GABRG3: variants seen among roughly 807,000 people sequenced by gnomAD.
The protein encoded by GABRG3 is gamma-aminobutyric acid receptor subunit gamma-3.
In GABRG3, 25 loss-of-function variants were observed where a neutral mutation model predicts 48.8. The ratio of observed to expected loss-of-function variants is 0.51; its 90% confidence interval spans 0.37 to 0.72. GABRG3 has a LOEUF of 0.72. Ranked by LOEUF, GABRG3 falls within the 30% of genes least tolerant of loss-of-function variation. GABRG3 has a pLI of 0.00. For missense variants in GABRG3, 394 were observed against 577.9 expected (o/e 0.68, Z 3.26); for synonymous variants, 227 against 217.6 (o/e 1.04, Z -0.38).
chr15:27,287,988 C>T (rs867803562), intron 3 of GABRG3, among the ~76,000 whole-genome samples: 6 of 152,234 alleles, frequency 3.9e-5, no homozygotes, highest in Non-Finnish European at 7.4e-5. Flanking sequence ...CTGCCTGCCT[C>T]GGCCTCCCAA....
At chr15:27,142,342 GC>G (rs1429824797) in intron 3 of GABRG3, among the ~76,000 whole-genome samples, 1 of 152,188 alleles carries the variant, frequency 6.6e-6, no homozygotes, top group Non-Finnish European at 1.5e-5. Flanking sequence ...GGCTGGGTAA[GC>G]CTCACAATCA....
chr15:27,445,120 G>A (rs571210731), intron 5 of GABRG3, among the ~76,000 whole-genome samples: 6 of 152,240 alleles, frequency 3.9e-5, no homozygotes, highest in Admixed American at 3.3e-4. Context: ...TGATCCACCC[G>A]CCTCGGCTTC....
chr15:27,151,452 G>A (rs1408537778), intron 3 of GABRG3, among the ~76,000 whole-genome samples: 5 of 151,452 alleles, frequency 3.3e-5, no homozygotes, highest in South Asian at 2.1e-4. Flanking sequence ...GTAGTATTCC[G>A]TAGTATGCTG....
chr15:27,249,127 C>A (rs778010662), intron 3 of GABRG3, among the ~76,000 whole-genome samples: 3 of 152,212 alleles, frequency 2.0e-5, no homozygotes, highest in Non-Finnish European at 4.4e-5. Flanking sequence ...GTTGAAGTGA[C>A]TGGACTCAGG....
At chr15:27,261,383 G>T (rs1376306714) in intron 3 of GABRG3, among the ~76,000 whole-genome samples, 1 of 151,742 alleles carries the variant, frequency 6.6e-6, no homozygotes, top group Non-Finnish European at 1.5e-5. Context: ...GTCAGGACTG[G>T]AAAGAATGGA....
intron 3 of GABRG3, among the ~76,000 whole-genome samples, chr15:27,181,604 C>T (rs189592140): frequency 6.6e-6 from 1 of 152,182 alleles, no homozygotes. Context: ...ACTCGTACAT[C>T]CTGCCCACGT....
intron 3 of GABRG3, among the ~76,000 whole-genome samples, chr15:27,249,495 T>C (rs1269657694): frequency 1.3e-5 from 2 of 152,202 alleles, no homozygotes; most frequent in Admixed American, 1.3e-4. Flanking sequence ...CAGAGTACTG[T>C]CGCAGCCAGA....
In GABRG3 at chr15:27,191,618, C is replaced by A. The variant is rs536359268; in HGVS notation, c.271-135191C>A. On this transcript the variant is annotated intron_variant, in intron 3 of 9. Coordinates refer to ENST00000615808, the MANE Select transcript of GABRG3 (RefSeq NM_033223.5). ...TTTTATTTTGAGCCTATGTGTGTCT[C>A]TGCATGTGAGATGGGTTTCCTGAAT... Among the ~76,000 whole-genome samples the A allele has an allele frequency of 1.2e-4, 19 of 152,234 alleles. No individual in the cohort carries two copies. The East Asian group carries it at 3.7e-3, about 29-fold the overall frequency.
intron 5 of GABRG3, among the ~76,000 whole-genome samples, chr15:27,380,839 C>A (rs535091642): frequency 2.0e-5 from 3 of 148,870 alleles, no homozygotes; most frequent in Non-Finnish European, 4.5e-5. Context: ...AATCTCGGCT[C>A]ACTGCAAGCT....
In GABRG3 at chr15:27,539,540, A is replaced by G. The variant is rs1409254737; in HGVS notation, c.*6659A>G. The G allele has an allele frequency of 6.6e-6, 1 of 152,210 alleles. No homozygotes were observed. The highest frequency in any genetic ancestry group is 1.5e-5 in the Non-Finnish European group (1 of 68,036). 9.4% of individuals were successfully genotyped at this position (152,210 alleles called of 1,614,324 possible). ...AGCTTCCAATTTTCAGGAGCAAATG[A>G]TGACTGCTTTGATTTGGTTAGGCTT... On this transcript the variant is annotated 3_prime_UTR_variant, in exon 10 of 10. Coordinates refer to ENST00000615808, the MANE Select transcript of GABRG3 (RefSeq NM_033223.5).
chr15:27,137,113 C>T (rs1311853629), intron 3 of GABRG3, among the ~76,000 whole-genome samples: 1 of 152,338 alleles, frequency 6.6e-6, no homozygotes, highest in East Asian at 1.9e-4. Flanking sequence ...GGGCCTTTGC[C>T]TGGGCAGCCA....
chr15:27,358,979 C>A (rs925854772), intron 5 of GABRG3, among the ~76,000 whole-genome samples: 2 of 152,320 alleles, frequency 1.3e-5, no homozygotes, highest in Admixed American at 6.5e-5. Context: ...GAGGACCCGG[C>A]GGGGCGAACG....
At chr15:27,347,494 C>T (rs1164497907) in intron 5 of GABRG3, among the ~76,000 whole-genome samples, 1 of 152,136 alleles carries the variant, frequency 6.6e-6, no homozygotes, top group Non-Finnish European at 1.5e-5. Flanking sequence ...TTAAGTGGAA[C>T]AGGAGGGCTA....
At chr15:27,026,908 C>T (rs1228809369) in intron 3 of GABRG3, 87 bp downstream of exon 3, 1 of 897,910 alleles carries the variant, frequency 1.1e-6, no homozygotes, top group African/African-American at 1.7e-5. Flanking sequence ...TGAGATTTAT[C>T]ATGCCGGTTT....
intron 5 of GABRG3, among the ~76,000 whole-genome samples, chr15:27,399,191 T>C (rs1887408199): frequency 6.6e-6 from 1 of 152,228 alleles, no homozygotes; most frequent in Non-Finnish European, 1.5e-5. Context: ...GATTTATTAA[T>C]AACGGGCTTT....
At chr15:27,159,230 C>T (rs1357154784) in intron 3 of GABRG3, among the ~76,000 whole-genome samples, 1 of 151,898 alleles carries the variant, frequency 6.6e-6, no homozygotes, top group Non-Finnish European at 1.5e-5. Context: ...GCCTATAATC[C>T]CAGCACTTTG....
chr15:27,481,110 G>A (rs62003783), intron 6 of GABRG3: 46,018 of 1,110,736 alleles, frequency 0.041, 1,060 homozygotes, highest in Non-Finnish European at 0.047. Context: ...AAATTTCCAC[G>A]TACATAAGAA....
chr15:27,445,994 G>A (rs1888933473), intron 5 of GABRG3, among the ~76,000 whole-genome samples: 1 of 151,798 alleles, frequency 6.6e-6, no homozygotes, highest in African/African-American at 2.4e-5. Flanking sequence ...ATTCTATTTT[G>A]TTGATCTATA....
intron 5 of GABRG3, among the ~76,000 whole-genome samples, chr15:27,394,183 G>A (rs1231728671): frequency 6.6e-6 from 1 of 152,030 alleles, no homozygotes; most frequent in Non-Finnish European, 1.5e-5. Context: ...GCCTTCTTGT[G>A]TATTAAATAT....
Sources: allele counts gnomAD v4.1 joint callset (sites outside exome capture counted in the v4.1 genomes callset), GRCh38; gene constraint gnomAD v4.1.1; transcripts MANE v1.5; gene names NCBI Gene and HGNC (gene_info 2026-07-23, HGNC 2026-07-21).